Variants in ARHGAP24 observed in about 807,000 individuals in gnomAD.
ARHGAP24 encodes the protein rho GTPase-activating protein 24.
In ARHGAP24, 50 loss-of-function variants were observed where a neutral mutation model predicts 76.4. The ratio of observed to expected loss-of-function variants is 0.65; its 90% CI spans 0.52 to 0.83. The LOEUF is 0.83. ARHGAP24 is among the 40% of genes least tolerant of loss of function. The pLI, the probability that ARHGAP24 is intolerant of heterozygous loss-of-function variation, is 0.00. For synonymous variants in ARHGAP24, 345 were observed against 323.3 expected, an observed-to-expected ratio of 1.07 and a Z score of -0.72; for missense variants, 930 against 914.2, an observed-to-expected ratio of 1.02 and a Z score of -0.22.
At chr4:85,826,887 T>G (rs1560654438) in intron 3 of ARHGAP24, among the ~76,000 whole-genome samples, 1 of 152,220 alleles carries the variant, frequency 6.6e-6, no homozygotes, top group Non-Finnish European at 1.5e-5. Context: ...AAAATTCAGT[T>G]AAGTCATTAT....
At chr4:85,540,493 G>A (rs1290177752) in intron 1 of ARHGAP24, among the ~76,000 whole-genome samples, 1 of 152,150 alleles carries the variant, frequency 6.6e-6, no homozygotes, top group East Asian at 1.9e-4. Context: ...GCTATAAGCA[G>A]CATATGTTTC....
chr4:85,935,815 A>G (rs527677680), intron 4 of ARHGAP24, among the ~76,000 whole-genome samples: 3 of 152,256 alleles, frequency 2.0e-5, no homozygotes, highest in African/African-American at 7.2e-5. Context: ...CGCTATGTAC[A>G]CCTTGTAACA....
At chr4:85,941,940 A>T (rs1197989503) in intron 4 of ARHGAP24, 126 bp from the exon 5 acceptor site, 1 of 911,768 alleles carries the variant, frequency 1.1e-6, no homozygotes, top group Non-Finnish European at 1.7e-6. Context: ...AATGTGAAAT[A>T]CTGAATGTTA....
chr4:85,715,216 A>G (rs952562242), intron 2 of ARHGAP24, among the ~76,000 whole-genome samples: 3 of 152,132 alleles, frequency 2.0e-5, no homozygotes, highest in Non-Finnish European at 4.4e-5. Context: ...TTTACTAACT[A>G]TTCTAGCCTT....
intron 3 of ARHGAP24, among the ~76,000 whole-genome samples, chr4:85,792,078 G>A (rs1042398219): frequency 8.5e-5 from 13 of 152,110 alleles, no homozygotes; most frequent in African/African-American, 3.1e-4. Context: ...TGTCAATGAT[G>A]ACATTTGAAT....
At chr4:85,776,122 AGTCACT>A (rs892639796) in intron 3 of ARHGAP24, among the ~76,000 whole-genome samples, 28 of 152,162 alleles carry the variant, frequency 1.8e-4, no homozygotes, top group African/African-American at 6.0e-4. Flanking sequence ...CTGTTCATGC[AGTCACT>A]ACCCTTCACT....
At chr4:85,860,783 A>G (rs116083318) in intron 3 of ARHGAP24, among the ~76,000 whole-genome samples, 105 of 152,142 alleles carry the variant, frequency 6.9e-4, no homozygotes, top group African/African-American at 2.4e-3. Flanking sequence ...ATGATTCATC[A>G]TAGTCACTTT....
At chr4:85,901,752 T>A (rs1479881388) in intron 3 of ARHGAP24, among the ~76,000 whole-genome samples, 1 of 152,216 alleles carries the variant, frequency 6.6e-6, no homozygotes, top group Non-Finnish European at 1.5e-5. Flanking sequence ...AAATATTTAT[T>A]GTAGCTTTAC....
chr4:85,983,281 G>T (rs1032343181), intron 8 of ARHGAP24, among the ~76,000 whole-genome samples: 2 of 152,068 alleles, frequency 1.3e-5, no homozygotes, highest in Non-Finnish European at 2.9e-5. Context: ...ATTCCTTTGG[G>T]TATATACCCA....
chr4:85,897,880 G>A lies in ARHGAP24; in HGVS notation c.269-25768G>A, dbSNP rs79642491. 9.2e-5 allele frequency among the ~76,000 whole-genome samples: 14 copies of A among 151,828 alleles called. No homozygotes were observed. In the East Asian group the frequency reaches 2.5e-3, roughly 27 times the overall value. ...AAGCAAGGGGGGAGATAAAGTGGTG[G>A]GTGTGTGCACGCAAATGTGTGGCTG... is the stretch of plus-strand genomic sequence containing the variant. On this transcript the variant is annotated intron_variant, in intron 3 of 9. Coordinates refer to ENST00000395184, the MANE Select transcript of ARHGAP24 (RefSeq NM_001025616.3).
chr4:85,858,250 C>T (rs1470999738), intron 3 of ARHGAP24, among the ~76,000 whole-genome samples: 2 of 152,098 alleles, frequency 1.3e-5, no homozygotes, highest in Non-Finnish European at 2.9e-5. Flanking sequence ...ACAAACAAAG[C>T]AACAGGGAAC....
At chr4:85,859,425 A>G (rs572390286) in intron 3 of ARHGAP24, among the ~76,000 whole-genome samples, 1 of 152,308 alleles carries the variant, frequency 6.6e-6, no homozygotes, top group South Asian at 2.1e-4. Flanking sequence ...CAAAGATAGA[A>G]AATGGTAACA....
At chr4:85,948,932 T>C (rs1012692617) in intron 5 of ARHGAP24, among the ~76,000 whole-genome samples, 13 of 152,156 alleles carry the variant, frequency 8.5e-5, no homozygotes, top group African/African-American at 3.1e-4. Flanking sequence ...ATTCTAAAAA[T>C]GGAACAGTTT....
At chr4:85,849,606 T>C (rs1731101247) in intron 3 of ARHGAP24, among the ~76,000 whole-genome samples, 1 of 152,226 alleles carries the variant, frequency 6.6e-6, no homozygotes, top group Admixed American at 6.5e-5. Context: ...GCTCTCATTA[T>C]TTTGAGATAC....
chr4:85,850,761 T>A (rs571040215), intron 3 of ARHGAP24, among the ~76,000 whole-genome samples: 1 of 152,264 alleles, frequency 6.6e-6, no homozygotes, highest in African/African-American at 2.4e-5. Flanking sequence ...GCGTGGTTTT[T>A]AGTGAGTTTC....
intron 3 of ARHGAP24, among the ~76,000 whole-genome samples, chr4:85,821,634 C>A (rs1265331122): frequency 2.0e-5 from 3 of 152,176 alleles, no homozygotes; most frequent in African/African-American, 7.2e-5. Context: ...ATCCTCCTGC[C>A]TCGTCCTCTT....
intron 2 of ARHGAP24, among the ~76,000 whole-genome samples, chr4:85,627,117 G>A (rs1720985558): frequency 1.3e-5 from 2 of 152,176 alleles, no homozygotes; most frequent in Non-Finnish European, 2.9e-5. Flanking sequence ...TGCTGGTGAG[G>A]AGCTGCATTC....
intron 5 of ARHGAP24, among the ~76,000 whole-genome samples, chr4:85,966,299 G>C (rs929849955): frequency 6.6e-6 from 1 of 152,138 alleles, no homozygotes; most frequent in Non-Finnish European, 1.5e-5. Context: ...AAGAGGATAG[G>C]AGGGATATTC....
intron 2 of ARHGAP24, among the ~76,000 whole-genome samples, chr4:85,691,424 T>C (rs1022269858): frequency 2.0e-5 from 3 of 152,188 alleles, no homozygotes; most frequent in African/African-American, 7.2e-5. Flanking sequence ...GCCTCAATGA[T>C]CTATCTAATG....
Sources: gnomAD v4.1 joint callset for allele counts (sites outside exome capture counted in the v4.1 genomes callset) on GRCh38, gnomAD v4.1.1 for gene constraint, MANE v1.5 for transcripts, NCBI Gene and HGNC (gene_info 2026-07-23, HGNC 2026-07-21) for gene names.